Variants in BMAL2 observed in about 807,000 individuals in gnomAD.
The protein encoded by BMAL2 is basic helix-loop-helix ARNT-like protein 2.
chr12:27,383,857 AGT>A, the BMAL2 span, among the ~76,000 whole-genome samples: 2 of 152,150 alleles, frequency 1.3e-5, no homozygotes, highest in Admixed American at 6.5e-5. Flanking sequence ...GGCTCTTAAG[AGT>A]GCTACGAGTC....
chr12:27,361,182 G>A, the BMAL2 span, among the ~76,000 whole-genome samples: 1 of 152,132 alleles, frequency 6.6e-6, no homozygotes, highest in Non-Finnish European at 1.5e-5. Flanking sequence ...GAACCCATTT[G>A]TAACTATGAG....
chr12:27,358,901 T>A, the BMAL2 span, among the ~76,000 whole-genome samples: 1 of 151,810 alleles, frequency 6.6e-6, no homozygotes. Context: ...ATGTAATTTA[T>A]GTGTAATACT....
At chr12:27,409,614 A>G in the BMAL2 span, among the ~76,000 whole-genome samples, 1 of 152,254 alleles carries the variant, frequency 6.6e-6, no homozygotes, top group Non-Finnish European at 1.5e-5. Context: ...TTAAAGACTT[A>G]CATGTTAGAC....
chr12:27,383,733 A>T, the BMAL2 span, among the ~76,000 whole-genome samples: 1 of 152,086 alleles, frequency 6.6e-6, no homozygotes, highest in Non-Finnish European at 1.5e-5. Flanking sequence ...TTCCTTCCTC[A>T]GCTCCCTCCC....
At chr12:27,351,428 A>G in the BMAL2 span, among the ~76,000 whole-genome samples, 6 of 152,176 alleles carry the variant, frequency 3.9e-5, no homozygotes, top group Admixed American at 2.0e-4. Flanking sequence ...CTGACTTTGC[A>G]TGGACTGTCC....
chr12:27,335,984 T>G, the BMAL2 span, among the ~76,000 whole-genome samples: 1 of 152,236 alleles, frequency 6.6e-6, no homozygotes, highest in Admixed American at 6.5e-5. Context: ...CATGATGTTC[T>G]GTGCTGTGAA....
At chr12:27,391,377 CT>C in the BMAL2 span, among the ~76,000 whole-genome samples, 22 of 152,192 alleles carry the variant, frequency 1.4e-4, no homozygotes, top group Non-Finnish European at 3.2e-4. Flanking sequence ...TGATTTCATT[CT>C]TTTTTATGGC....
the BMAL2 span, among the ~76,000 whole-genome samples, chr12:27,415,704 A>G: frequency 6.6e-6 from 1 of 152,184 alleles, no homozygotes; most frequent in Non-Finnish European, 1.5e-5. Flanking sequence ...ATAGTCAAAA[A>G]TAAGCCTGGC....
the BMAL2 span, among the ~76,000 whole-genome samples, chr12:27,386,723 G>A: frequency 1.9e-4 from 29 of 152,124 alleles, no homozygotes; most frequent in Admixed American, 1.0e-3. Flanking sequence ...TCCACCTCCC[G>A]GGCTCAAGCC....
chr12:27,413,030 A>G, the BMAL2 span, among the ~76,000 whole-genome samples: 1 of 151,924 alleles, frequency 6.6e-6, no homozygotes, highest in African/African-American at 2.4e-5. Flanking sequence ...CAAGAATACT[A>G]CATGTGGTAA....
chr12:27,364,381 C>T, the BMAL2 span, among the ~76,000 whole-genome samples: 1 of 152,148 alleles, frequency 6.6e-6, no homozygotes, highest in African/African-American at 2.4e-5. Flanking sequence ...AGTCCCGTTT[C>T]ATCTTTTCCA....
At chr12:27,396,365 C>CA in the BMAL2 span, among the ~76,000 whole-genome samples, 1 of 152,226 alleles carries the variant, frequency 6.6e-6, no homozygotes, top group Admixed American at 6.5e-5. Context: ...AAGCATGTTG[C>CA]ATAATTATCC....
At chr12:27,358,435 C>G in the BMAL2 span, among the ~76,000 whole-genome samples, 12 of 152,152 alleles carry the variant, frequency 7.9e-5, no homozygotes, top group African/African-American at 2.7e-4. Flanking sequence ...CACTTTTACA[C>G]TGCTGGTGGG....
the BMAL2 span, among the ~76,000 whole-genome samples, chr12:27,408,771 A>G: frequency 6.6e-6 from 1 of 152,132 alleles, no homozygotes; most frequent in African/African-American, 2.4e-5. Flanking sequence ...AGGAAATAAA[A>G]GGTATTCAAT....
At chr12:27,370,985 CAGTT>C in the BMAL2 span, among the ~76,000 whole-genome samples, 7 of 152,146 alleles carry the variant, frequency 4.6e-5, no homozygotes, top group Admixed American at 2.0e-4. Flanking sequence ...TACTATGTGA[CAGTT>C]AGTAGACTAG....
At chr12:27,407,452 C>T in the BMAL2 span, among the ~76,000 whole-genome samples, 1 of 152,178 alleles carries the variant, frequency 6.6e-6, no homozygotes, top group East Asian at 1.9e-4. Context: ...CTCAAAACCA[C>T]TCAACTACAT....
At chr12:27,416,513 C>T in the BMAL2 span, among the ~76,000 whole-genome samples, 4 of 152,058 alleles carry the variant, frequency 2.6e-5, no homozygotes, top group Non-Finnish European at 5.9e-5. Flanking sequence ...AATTACTAAA[C>T]CTAGTGCTAT....
the BMAL2 span, among the ~76,000 whole-genome samples, chr12:27,334,450 AC>A: frequency 8.6e-3 from 1,315 of 152,340 alleles, 14 homozygotes; most frequent in African/African-American, 0.03. Flanking sequence ...TAAAACATTA[AC>A]TTAATGTAGT....
the BMAL2 span, among the ~76,000 whole-genome samples, chr12:27,400,139 C>T: frequency 2.0e-4 from 31 of 151,946 alleles, no homozygotes; most frequent in African/African-American, 6.3e-4. Flanking sequence ...ATATAAGTTA[C>T]GATATACCAA....
Sources: gnomAD v4.1 joint callset for allele counts (sites outside exome capture counted in the v4.1 genomes callset) on GRCh38, gnomAD v4.1.1 for gene constraint, MANE v1.5 for transcripts, NCBI Gene and HGNC (gene_info 2026-07-23, HGNC 2026-07-21) for gene names.